BTBD9: variants seen among roughly 807,000 people sequenced by gnomAD.
BTBD9 encodes the protein BTB/POZ domain-containing protein 9.
A neutral mutation model predicts 64.3 loss-of-function variants in BTBD9; 49 were observed. The ratio of observed to expected loss-of-function variants is 0.76; its 90% CI spans 0.61 to 0.97. BTBD9 has a LOEUF of 0.97. Among genes scored for constraint, BTBD9 ranks in the 50% least tolerant of loss-of-function variants. BTBD9 has a pLI of 0.00. For synonymous variants in BTBD9, 260 were observed against 274.7 expected (o/e 0.95, Z 0.53); for missense variants, 598 against 762.1 (o/e 0.78, Z 2.53).
At chr6:38,522,362 G>GTCCCACAGCATGGT (rs55694401) in intron 6 of BTBD9, among the ~76,000 whole-genome samples, 11 of 152,016 alleles carry the variant, frequency 7.2e-5, no homozygotes, top group Admixed American at 5.9e-4. Context: ...TCAAATTAAA[G>GTCCCACAGCATGGT]TCCCTATACT....
rs1483606239 is a variant in BTBD9, at chr6:38,169,374, G to A, written c.*5611C>T. Reference sequence around the variant, plus strand: ...AGCACCAGGAGGCAAAGGCCCTGAGGGAGATGAGCTGGTGCCGTCCCCTCC... The same window carrying A: ...AGCACCAGGAGGCAAAGGCCCTGAGAGAGATGAGCTGGTGCCGTCCCCTCC... On this transcript the variant is annotated 3_prime_UTR_variant, in exon 11 of 11. Coordinates refer to ENST00000481247, the MANE Select transcript of BTBD9 (RefSeq NM_001099272.2). 6.6e-6 allele frequency: 1 copy of A among 152,390 alleles called. No homozygotes were observed. Among genetic ancestry groups the A allele is most frequent in the Non-Finnish European group, 1.5e-5 (1 of 68,162 alleles). 9.4% of individuals were successfully genotyped at this position (152,390 alleles called of 1,614,324 possible). A position where few individuals can be genotyped will look rare whatever the true frequency, so the allele number is the denominator to read the frequency against.
intron 10 of BTBD9, among the ~76,000 whole-genome samples, chr6:38,180,859 C>T (rs1278209593): frequency 6.6e-6 from 1 of 152,190 alleles, no homozygotes; most frequent in Non-Finnish European, 1.5e-5. Context: ...GGAATGTGGT[C>T]GTGTGTATGA....
chr6:38,605,698 G>C (rs567374674), intron 1 of BTBD9, among the ~76,000 whole-genome samples: 1 of 152,246 alleles, frequency 6.6e-6, no homozygotes, highest in South Asian at 2.1e-4. Context: ...TGCATCTGCA[G>C]TCCCAGCTAC....
chr6:38,440,539 GAA>G (rs1238475192), intron 6 of BTBD9, among the ~76,000 whole-genome samples: 218 of 152,268 alleles, frequency 1.4e-3, no homozygotes, highest in African/African-American at 5.1e-3. Flanking sequence ...GTTTCAGAAA[GAA>G]CACAACCACT....
intron 9 of BTBD9, among the ~76,000 whole-genome samples, chr6:38,248,334 C>T (rs1275667167): frequency 6.6e-6 from 1 of 152,168 alleles, no homozygotes. Context: ...ATTAGGACTA[C>T]AGAATTCTCA....
At chr6:38,363,663 T>G (rs532468592) in intron 6 of BTBD9, among the ~76,000 whole-genome samples, 28 of 152,178 alleles carry the variant, frequency 1.8e-4, no homozygotes, top group Middle Eastern at 3.4e-3. Flanking sequence ...ATAACTACTT[T>G]GGGAAAAATA....
rs548262695 is a variant in BTBD9 at position 38,405,802 on chromosome 6, C to T, written c.1155-60709G>A. ...AGCCTATTTGAGTTTCCATACTGATCGCAGATCTTCTAGTGTTGGTCTAAA... is the reference window on the plus strand; with the variant it reads ...AGCCTATTTGAGTTTCCATACTGATTGCAGATCTTCTAGTGTTGGTCTAAA... On this transcript the variant is annotated intron_variant, in intron 6 of 10. Coordinates refer to ENST00000481247, the MANE Select transcript of BTBD9 (RefSeq NM_001099272.2). Among the ~76,000 whole-genome samples, 8 of 152,274 alleles carry T rather than the reference C, an allele frequency of 5.3e-5. No individual in the cohort carries two copies. In the South Asian group the frequency reaches 1.0e-3, roughly 20 times the overall value.
intron 9 of BTBD9, among the ~76,000 whole-genome samples, chr6:38,212,812 C>T (rs1762879233): frequency 6.6e-6 from 1 of 152,188 alleles, no homozygotes; most frequent in African/African-American, 2.4e-5. Context: ...AGACGGCCTC[C>T]TCCTCCTGGC....
chr6:38,465,731 ATATATATATATATATATATATATATG>A (rs1392407058), intron 6 of BTBD9, among the ~76,000 whole-genome samples: 672 of 50,086 alleles, frequency 0.013, 29 homozygotes, highest in African/African-American at 0.039. Flanking sequence ...ATATATATAT[ATATATATATATATATATATATATATG>A]TATGTATGTA....
At chr6:38,382,254 G>C (rs1483934749) in intron 6 of BTBD9, among the ~76,000 whole-genome samples, 1 of 152,174 alleles carries the variant, frequency 6.6e-6, no homozygotes, top group Non-Finnish European at 1.5e-5. Context: ...TCCAGTGCCA[G>C]AGGGAACAAT....
chr6:38,471,495 A>T (rs1293284207), intron 6 of BTBD9, among the ~76,000 whole-genome samples: 4 of 152,218 alleles, frequency 2.6e-5, no homozygotes, highest in African/African-American at 9.6e-5. Flanking sequence ...TTTAGAGCTC[A>T]GAATAAATAT....
At chr6:38,555,129 T>A (rs1774959469) in intron 6 of BTBD9, among the ~76,000 whole-genome samples, 2 of 152,238 alleles carry the variant, frequency 1.3e-5, no homozygotes, top group Non-Finnish European at 2.9e-5. Context: ...AAAAGTATAA[T>A]CTGCTGATTA....
chr6:38,551,075 C>G (rs569651081), intron 6 of BTBD9, among the ~76,000 whole-genome samples: 1 of 152,176 alleles, frequency 6.6e-6, no homozygotes, highest in Non-Finnish European at 1.5e-5. Context: ...TATAATGAGG[C>G]CTTGCCTATT....
chr6:38,398,634 T>C (rs1040267853), intron 6 of BTBD9, among the ~76,000 whole-genome samples: 1 of 152,106 alleles, frequency 6.6e-6, no homozygotes, highest in Non-Finnish European at 1.5e-5. Flanking sequence ...CCTCCCTTCA[T>C]AGGCACACAG....
At chr6:38,334,833 A>AT (rs1763831835) in intron 7 of BTBD9, among the ~76,000 whole-genome samples, 2 of 151,728 alleles carry the variant, frequency 1.3e-5, no homozygotes, top group East Asian at 1.9e-4. Flanking sequence ...AGCAGTAAAA[A>AT]TTTTTTTCCC....
At chr6:38,342,811 C>T (rs1764154724) in intron 7 of BTBD9, among the ~76,000 whole-genome samples, 1 of 152,174 alleles carries the variant, frequency 6.6e-6, no homozygotes, top group Non-Finnish European at 1.5e-5. Context: ...TGCTAAAATG[C>T]ACCTGAGATT....
At chr6:38,602,172 G>T (rs926172749) in intron 1 of BTBD9, among the ~76,000 whole-genome samples, 1 of 152,034 alleles carries the variant, frequency 6.6e-6, no homozygotes, top group Admixed American at 6.6e-5. Flanking sequence ...TCAATTAAAT[G>T]GGGGAAAATA....
chr6:38,366,781 C>T (rs1765199818), intron 6 of BTBD9, among the ~76,000 whole-genome samples: 1 of 152,164 alleles, frequency 6.6e-6, no homozygotes, highest in African/African-American at 2.4e-5. Context: ...AGCCTTTCAG[C>T]TTTATGGCCA....
At chr6:38,264,856 C>T (rs1764917229) in intron 8 of BTBD9, among the ~76,000 whole-genome samples, 1 of 152,140 alleles carries the variant, frequency 6.6e-6, no homozygotes, top group Non-Finnish European at 1.5e-5. Flanking sequence ...ATGAGAACCC[C>T]TGAGGTGTTG....
Sources: gnomAD v4.1 joint callset for allele counts (sites outside exome capture counted in the v4.1 genomes callset) on GRCh38, gnomAD v4.1.1 for gene constraint, MANE v1.5 for transcripts, NCBI Gene and HGNC (gene_info 2026-07-23, HGNC 2026-07-21) for gene names.